ANK2: variants seen among roughly 807,000 people sequenced by gnomAD.
ANK2 encodes ankyrin-2.
A neutral mutation model predicts 360.5 loss-of-function variants in ANK2; 83 were observed. The ratio of observed to expected loss-of-function variants is 0.23; its 90% CI spans 0.19 to 0.28. ANK2 has a LOEUF of 0.28. Ranked by LOEUF, ANK2 falls within the 10% of genes least tolerant of loss-of-function variation. The probability of loss-of-function intolerance (pLI) is 1.00; values close to 1 mark genes in which losing one functional copy is unlikely to be tolerated. For synonymous variants in ANK2, 1,740 were observed against 1,759.5 expected (o/e 0.99, Z 0.28); for missense variants, 4,201 against 4,795.7 (o/e 0.88, Z 3.66).
At chr4:113,110,840 A>G (rs2094212413) in intron 1 of ANK2, among the ~76,000 whole-genome samples, 1 of 152,192 alleles carries the variant, frequency 6.6e-6, no homozygotes, top group Admixed American at 6.5e-5. Context: ...TTTTAACAAT[A>G]AGGGCTTTGG....
intron 2 of ANK2, among the ~76,000 whole-genome samples, chr4:112,915,869 A>T (rs1228387339): frequency 6.6e-6 from 1 of 152,014 alleles, no homozygotes; most frequent in African/African-American, 2.4e-5. Flanking sequence ...TTCTGGGCAC[A>T]TGAATTTGCT....
chr4:113,145,767 A>G, intron 1 of ANK2: 1 of 1,220,848 alleles, frequency 8.2e-7, no homozygotes, highest in Non-Finnish European at 1.0e-6. Context: ...GGAGCCAAGG[A>G]TCATCTTGAT....
intron 17 of ANK2, among the ~76,000 whole-genome samples, chr4:113,282,270 C>T (rs2062711892): frequency 6.6e-6 from 1 of 152,136 alleles, no homozygotes; most frequent in Non-Finnish European, 1.5e-5. Flanking sequence ...ATGGCACTTC[C>T]ATCAGGAATG....
chr4:113,160,415 G>T, intron 1 of ANK2: 2 of 363,982 alleles, frequency 5.5e-6, no homozygotes, highest in Non-Finnish European at 1.1e-5. Flanking sequence ...ATGAGTTTCA[G>T]GTGAATTAAT....
At chr4:113,115,535 C>T (rs568356303) in intron 1 of ANK2, among the ~76,000 whole-genome samples, 5 of 152,224 alleles carry the variant, frequency 3.3e-5, no homozygotes, top group African/African-American at 1.2e-4. Flanking sequence ...GCTAGGTTCT[C>T]TGTACTACTG....
intron 1 of ANK2, chr4:112,826,863 G>C (rs911085801): frequency 6.8e-7 from 1 of 1,465,086 alleles, no homozygotes; most frequent in Admixed American, 1.7e-5. Flanking sequence ...GGATGAAGAT[G>C]ACATCAATGA....
At chr4:112,978,822 T>A (rs2042222290) in intron 2 of ANK2, among the ~76,000 whole-genome samples, 2 of 152,226 alleles carry the variant, frequency 1.3e-5, no homozygotes, top group African/African-American at 4.8e-5. Flanking sequence ...TCAGCAATGA[T>A]GAATTTGGCA....
chr4:112,863,362 G>A (rs1579973304), intron 1 of ANK2, among the ~76,000 whole-genome samples: 1 of 151,894 alleles, frequency 6.6e-6, no homozygotes, highest in Non-Finnish European at 1.5e-5. Flanking sequence ...TAATAATTAT[G>A]TATTACTCCT....
Position 113,355,217 on chromosome 4 carries a change from G to C in ANK2, c.6599G>C (p.Gly2200Ala). 6.2e-7 allele frequency: 1 copy of C among 1,614,100 alleles called. No homozygotes were observed. The highest frequency in any genetic ancestry group is 8.5e-7 in the Non-Finnish European group (1 of 1,179,974). The change falls in exon 38 of 46, where the codon GGC becomes GCC. Residue 2200 changes from glycine to alanine, a missense_variant. By Grantham distance (60) the Gly-to-Ala change is moderately conservative (BLOSUM62 0). This residue lies in a region of ANK2 where 2,642 missense variants were observed against 2,714.5 expected (regional missense o/e 0.97). Coordinates refer to ENST00000357077, the MANE Select transcript of ANK2 (RefSeq NM_001148.6). ...ALSLQSGALD[G>A]SSESLKNEGV... ...TCTTTACAAAGCGGTGCTTTAGATG[G>C]CAGTTCTGAAAGCCTAAAGAATGAG... is the stretch of plus-strand genomic sequence containing the variant.
chr4:113,220,643 T>C (rs1200875605), intron 4 of ANK2, among the ~76,000 whole-genome samples: 1 of 152,156 alleles, frequency 6.6e-6, no homozygotes. Flanking sequence ...AAGGTCTTTG[T>C]TCATTTTTGC....
At chr4:112,802,769 CA>C in the ANK2 span, among the ~76,000 whole-genome samples, 1 of 152,128 alleles carries the variant, frequency 6.6e-6, no homozygotes, top group East Asian at 1.9e-4. Context: ...GGAGTTAAAA[CA>C]AAAACAAAAA....
chr4:112,961,088 T>G (rs2034590778), intron 2 of ANK2, among the ~76,000 whole-genome samples: 1 of 151,588 alleles, frequency 6.6e-6, no homozygotes, highest in Middle Eastern at 3.2e-3. Flanking sequence ...ACTGGTGGGC[T>G]TAATAGAGAC....
In ANK2 at chr4:113,098,619, T is replaced by C. The variant is rs571815098; in HGVS notation, c.84+48807T>C. ...AATTCTACCAAATATTTAAGGAAGATATGATAACAATTCTCTACAATGTCT... is the reference window on the plus strand; with the variant it reads ...AATTCTACCAAATATTTAAGGAAGACATGATAACAATTCTCTACAATGTCT... On this transcript the variant is annotated intron_variant, in intron 1 of 45. Transcript: ENST00000357077. Among the ~76,000 whole-genome samples the C allele has an allele frequency of 5.9e-5, 9 of 152,108 alleles. No homozygotes were observed. In the South Asian group the frequency reaches 1.9e-3, roughly 32 times the overall value.
intron 13 of ANK2, 114 bp from the exon 14 acceptor site, chr4:113,264,783 G>T: frequency 9.8e-7 from 1 of 1,018,210 alleles, no homozygotes; most frequent in Non-Finnish European, 1.5e-6. Context: ...CCTTTTCATA[G>T]GTTTCTTAAA....
At chr4:113,116,465 T>C (rs747465991) in intron 1 of ANK2, among the ~76,000 whole-genome samples, 1 of 152,202 alleles carries the variant, frequency 6.6e-6, no homozygotes, top group Admixed American at 6.5e-5. Flanking sequence ...GATCTGTAAA[T>C]GGTACAGTGA....
chr4:113,121,441 A>G (rs1357604840), intron 1 of ANK2, among the ~76,000 whole-genome samples: 2 of 152,248 alleles, frequency 1.3e-5, no homozygotes, highest in Admixed American at 1.3e-4. Context: ...AAGAAATTTA[A>G]ATACTGTGAT....
At chr4:113,321,244 A>G (rs1020681947) in intron 26 of ANK2, among the ~76,000 whole-genome samples, 4 of 152,168 alleles carry the variant, frequency 2.6e-5, no homozygotes, top group African/African-American at 9.7e-5. Context: ...CTTTGCCTGG[A>G]AATAATAAGT....
At chr4:112,918,509 C>T (rs576717651) in intron 2 of ANK2, among the ~76,000 whole-genome samples, 1 of 152,260 alleles carries the variant, frequency 6.6e-6, no homozygotes, top group Admixed American at 6.5e-5. Context: ...ACATCCAAGT[C>T]CGGACACTAG....
intron 1 of ANK2, among the ~76,000 whole-genome samples, chr4:113,155,944 G>T (rs2097271898): frequency 6.6e-6 from 1 of 152,200 alleles, no homozygotes; most frequent in Non-Finnish European, 1.5e-5. Flanking sequence ...TTGAGTTTAT[G>T]ATTGTGTTGA....
Sources: gnomAD v4.1 joint callset for allele counts (sites outside exome capture counted in the v4.1 genomes callset) on GRCh38, gnomAD v4.1.1 for gene constraint, gnomAD v4.1.1 regional missense constraint, MANE v1.5 for transcripts, NCBI Gene and HGNC (gene_info 2026-07-23, HGNC 2026-07-21) for gene names.